ENTREP2: variants seen among roughly 807,000 people sequenced by gnomAD.
ENTREP2 encodes the protein endosomal transmembrane epsin interactor 2.
chr15:29,558,907 A>C, the ENTREP2 span, among the ~76,000 whole-genome samples: 1 of 151,776 alleles, frequency 6.6e-6, no homozygotes, highest in Admixed American at 6.6e-5. Flanking sequence ...TATGGTAAGA[A>C]TACAGCATAT....
the ENTREP2 span, among the ~76,000 whole-genome samples, chr15:29,156,697 C>T: frequency 1.3e-5 from 2 of 151,980 alleles, no homozygotes; most frequent in African/African-American, 2.4e-5. Flanking sequence ...AACAAAAGGG[C>T]GTGGCTGTTT....
At chr15:29,453,006 C>T in the ENTREP2 span, among the ~76,000 whole-genome samples, 5 of 152,146 alleles carry the variant, frequency 3.3e-5, no homozygotes, top group Admixed American at 6.5e-5. Context: ...AGCCAAGTAA[C>T]GAGCAAACAT....
At chr15:29,653,504 A>G in the ENTREP2 span, among the ~76,000 whole-genome samples, 5 of 152,300 alleles carry the variant, frequency 3.3e-5, no homozygotes, top group East Asian at 9.7e-4. Context: ...ATCATGGGGC[A>G]GTTTCCCCAA....
At chr15:29,359,660 C>T in the ENTREP2 span, among the ~76,000 whole-genome samples, 4 of 152,250 alleles carry the variant, frequency 2.6e-5, no homozygotes, top group East Asian at 7.7e-4. Flanking sequence ...ATCTGCCCAC[C>T]TCAGCCTCCC....
At chr15:29,196,704 AAAACAATTTC>A in the ENTREP2 span, 1 of 847,422 alleles carries the variant, frequency 1.2e-6, no homozygotes. Context: ...TAGTACAGCA[AAAACAATTTC>A]TATTGACCCA....
At chr15:29,437,950 C>A in the ENTREP2 span, among the ~76,000 whole-genome samples, 2 of 152,186 alleles carry the variant, frequency 1.3e-5, no homozygotes, top group Non-Finnish European at 2.9e-5. Context: ...ACAAGGAGGG[C>A]AAGTCAAAAG....
the ENTREP2 span, among the ~76,000 whole-genome samples, chr15:29,293,319 C>T: frequency 4.0e-4 from 61 of 152,146 alleles, no homozygotes; most frequent in African/African-American, 1.3e-3. Flanking sequence ...GGCACAATCT[C>T]GGCTCACTGC....
chr15:29,655,951 G>T, the ENTREP2 span, among the ~76,000 whole-genome samples: 5 of 151,360 alleles, frequency 3.3e-5, no homozygotes, highest in African/African-American at 1.2e-4. Context: ...CTTGAATCTG[G>T]GAAGCGGAGG....
chr15:29,297,042 T>TA, the ENTREP2 span, among the ~76,000 whole-genome samples: 24,657 of 151,926 alleles, frequency 0.16, 3,358 homozygotes, highest in African/African-American at 0.38. Flanking sequence ...AAACCTACCA[T>TA]AAAAAATCTT....
At chr15:29,275,259 T>C in the ENTREP2 span, among the ~76,000 whole-genome samples, 1 of 152,196 alleles carries the variant, frequency 6.6e-6, no homozygotes, top group Non-Finnish European at 1.5e-5. Flanking sequence ...GAAAGAAATA[T>C]ATATATCAAG....
chr15:29,145,894 G>C, the ENTREP2 span, among the ~76,000 whole-genome samples: 1 of 152,102 alleles, frequency 6.6e-6, no homozygotes, highest in Non-Finnish European at 1.5e-5. Context: ...CAGGTGACAT[G>C]ATTTTGCATA....
At chr15:29,322,161 A>T in the ENTREP2 span, among the ~76,000 whole-genome samples, 986 of 152,266 alleles carry the variant, frequency 6.5e-3, 8 homozygotes, top group African/African-American at 0.022. Flanking sequence ...TTTAATTGAC[A>T]AACTTATATA....
chr15:29,424,543 C>T, the ENTREP2 span, among the ~76,000 whole-genome samples: 1 of 152,094 alleles, frequency 6.6e-6, no homozygotes, highest in Non-Finnish European at 1.5e-5. Context: ...TAGGCGCCAA[C>T]CTCTCAGGTG....
At chr15:29,321,236 A>G in the ENTREP2 span, among the ~76,000 whole-genome samples, 2 of 152,218 alleles carry the variant, frequency 1.3e-5, no homozygotes, top group African/African-American at 4.8e-5. Flanking sequence ...ATGAACAAAT[A>G]TAAGAATTAC....
chr15:29,177,645 T>C, the ENTREP2 span, among the ~76,000 whole-genome samples: 5 of 152,202 alleles, frequency 3.3e-5, no homozygotes, highest in African/African-American at 9.6e-5. Context: ...CTGGCCAGCA[T>C]CTGGACTCGT....
At chr15:29,219,122 A>C in the ENTREP2 span, among the ~76,000 whole-genome samples, 5 of 150,462 alleles carry the variant, frequency 3.3e-5, no homozygotes, top group South Asian at 2.1e-4. Flanking sequence ...GAAAAAAAAA[A>C]CAAACAATCC....
chr15:29,149,351 T>C, the ENTREP2 span, among the ~76,000 whole-genome samples: 1 of 152,356 alleles, frequency 6.6e-6, no homozygotes, highest in Non-Finnish European at 1.5e-5. Context: ...AGTACTAGAA[T>C]ATGTAATTAC....
the ENTREP2 span, among the ~76,000 whole-genome samples, chr15:29,401,361 A>C: frequency 6.6e-6 from 1 of 152,224 alleles, no homozygotes; most frequent in Non-Finnish European, 1.5e-5. Flanking sequence ...AATACGATGA[A>C]TAGGATGTTT....
the ENTREP2 span, among the ~76,000 whole-genome samples, chr15:29,496,999 A>G: frequency 3.3e-5 from 5 of 152,192 alleles, no homozygotes; most frequent in Non-Finnish European, 4.4e-5. Flanking sequence ...CCCCAATGCA[A>G]CAGTATTAGG....
Sources: allele counts gnomAD v4.1 joint callset (sites outside exome capture counted in the v4.1 genomes callset), GRCh38; gene constraint gnomAD v4.1.1; transcripts MANE v1.5; gene names NCBI Gene and HGNC (gene_info 2026-07-23, HGNC 2026-07-21).